MPP7: variants seen among roughly 807,000 people sequenced by gnomAD.
MPP7 encodes the protein MAGUK p55 subfamily member 7.
Under a neutral mutation model 76.5 loss-of-function variants are expected in MPP7, and 60 were observed. The observed-to-expected ratio is 0.78, with a 90% CI of 0.64 to 0.97. MPP7 has a LOEUF of 0.97. MPP7 is among the 50% of genes least tolerant of loss of function. The pLI is 0.00. For synonymous variants in MPP7, 237 were observed against 244.5 expected, an observed-to-expected ratio of 0.97 and a Z score of 0.29; for missense variants, 641 against 694.0, an observed-to-expected ratio of 0.92 and a Z score of 0.86.
intron 3 of MPP7, among the ~76,000 whole-genome samples, chr10:28,159,160 C>T (rs1475278411): frequency 1.3e-5 from 2 of 152,186 alleles, no homozygotes; most frequent in South Asian, 2.1e-4. Context: ...GAAAAGTTAG[C>T]TTTGATGTAA....
Position 28,262,240 on chromosome 10 carries a change from T to TAC in MPP7, c.-131-23506_-131-23505insGT, listed in dbSNP as rs1564741544. On this transcript the variant is annotated intron_variant, in intron 1 of 16. Coordinates refer to ENST00000683449, the MANE Select transcript of MPP7 (RefSeq NM_001318170.2). ...ATATATATATACATATATATATATA[T>TAC]ATACATATATATATATATGTATATA... 6.7e-4 allele frequency among the ~76,000 whole-genome samples: 47 copies of TAC among 70,462 alleles called. 3 individuals carry two copies. The highest frequency in any genetic ancestry group is 2.4e-3 in the African/African-American group (31 of 12,856). 46.2% of individuals were successfully genotyped at this position (70,462 alleles called of 152,430 possible). A position where few individuals can be genotyped will look rare whatever the true frequency, so the allele number is the denominator to read the frequency against.
intron 3 of MPP7, among the ~76,000 whole-genome samples, chr10:28,169,019 A>T (rs1836586035): frequency 6.8e-6 from 1 of 147,162 alleles, no homozygotes. Context: ...TGTAACAAGG[A>T]GTTCTTTTGT....
intron 2 of MPP7, among the ~76,000 whole-genome samples, chr10:28,221,285 T>C (rs1039657406): frequency 1.3e-5 from 2 of 152,206 alleles, no homozygotes; most frequent in Non-Finnish European, 2.9e-5. Context: ...AGCCTTTCAA[T>C]CCACACTCAA....
At chr10:28,284,482 G>A (rs1840750650) in intron 1 of MPP7, among the ~76,000 whole-genome samples, 1 of 152,174 alleles carries the variant, frequency 6.6e-6, no homozygotes, top group African/African-American at 2.4e-5. Context: ...GCTGAAGACT[G>A]AAGAAAGTTG....
intron 2 of MPP7, among the ~76,000 whole-genome samples, chr10:28,312,437 G>A (rs1841295012): frequency 6.6e-6 from 1 of 152,058 alleles, no homozygotes; most frequent in Admixed American, 6.5e-5. Flanking sequence ...GGTGCTGATT[G>A]GTGCGTTTTA....
chr10:28,301,952 A>G (rs1841165646), intron 1 of MPP7, among the ~76,000 whole-genome samples: 1 of 152,234 alleles, frequency 6.6e-6, no homozygotes, highest in Non-Finnish European at 1.5e-5. Flanking sequence ...AAGTAAATCA[A>G]ATTACGTAAT....
At chr10:28,072,694 CTACTT>C (rs1194241970) in intron 12 of MPP7, among the ~76,000 whole-genome samples, 4 of 152,210 alleles carry the variant, frequency 2.6e-5, no homozygotes, top group African/African-American at 7.2e-5. Flanking sequence ...ACCTCCCTCT[CTACTT>C]CACTTCAACC....
At position 28,089,687 on chromosome 10, in the gene MPP7, T is replaced by C. The variant is rs1352904356; in HGVS notation, c.1107A>G (p.Arg369=). ...PYRRQTNEKY[R]LVVLVGPVGV... Reference sequence around the variant, plus strand: ...AGCACTTACCAACCAAGACAACGAGTCTGTATTTTTCATTAGTTTGTCGCC... The same window carrying C: ...AGCACTTACCAACCAAGACAACGAGCCTGTATTTTTCATTAGTTTGTCGCC... The change falls in exon 12 of 17, where the codon AGA becomes AGG. Residue 369 remains arginine, a synonymous_variant. Coordinates refer to ENST00000683449, the MANE Select transcript of MPP7 (RefSeq NM_001318170.2). 6.2e-7 allele frequency: 1 copy of C among 1,612,992 alleles called. No homozygotes were observed. Among genetic ancestry groups the C allele is most frequent in the African/African-American group, 1.3e-5 (1 of 74,948 alleles).
At chr10:28,258,923 T>C (rs961165800) in intron 1 of MPP7, among the ~76,000 whole-genome samples, 14 of 152,072 alleles carry the variant, frequency 9.2e-5, no homozygotes, top group Admixed American at 2.0e-4. Flanking sequence ...CACCAAGTTA[T>C]TACTGCACTA....
chr10:28,129,276 G>A (rs1333395720), intron 6 of MPP7, among the ~76,000 whole-genome samples: 1 of 151,858 alleles, frequency 6.6e-6, no homozygotes, highest in Non-Finnish European at 1.5e-5. Flanking sequence ...AATTAAAATT[G>A]GATCTAATAT....
chr10:28,177,268 A>T (rs1329205285), intron 3 of MPP7, among the ~76,000 whole-genome samples: 1 of 149,636 alleles, frequency 6.7e-6, no homozygotes, highest in Non-Finnish European at 1.5e-5. Context: ...TGCAAAAAAA[A>T]AAAAAAAAAA....
At chr10:28,199,272 C>T (rs1270785725) in intron 3 of MPP7, among the ~76,000 whole-genome samples, 4 of 152,168 alleles carry the variant, frequency 2.6e-5, no homozygotes, top group Admixed American at 2.0e-4. Context: ...GGGGACACAG[C>T]TAAACCATAT....
intron 2 of MPP7, among the ~76,000 whole-genome samples, chr10:28,329,716 G>C (rs1834454822): frequency 6.6e-6 from 1 of 151,080 alleles, no homozygotes; most frequent in African/African-American, 2.4e-5. Flanking sequence ...AATGAATAAT[G>C]CAAAATTGAG....
intron 3 of MPP7, among the ~76,000 whole-genome samples, chr10:28,151,752 C>T (rs1447448140): frequency 6.6e-6 from 1 of 152,194 alleles, no homozygotes; most frequent in African/African-American, 2.4e-5. Context: ...TTCTTGCAGA[C>T]AGTAAGAGGC....
At chr10:28,195,544 A>G (rs1041665410) in intron 3 of MPP7, among the ~76,000 whole-genome samples, 15 of 152,266 alleles carry the variant, frequency 9.9e-5, no homozygotes, top group Admixed American at 7.2e-4. Context: ...ATACAATGTT[A>G]TTCAGTCATA....
chr10:28,312,326 G>GTGC (rs1360252896), intron 2 of MPP7, among the ~76,000 whole-genome samples: 1 of 152,060 alleles, frequency 6.6e-6, no homozygotes, highest in African/African-American at 2.4e-5. Context: ...ATTTTACAGA[G>GTGC]TGCTGATTGG....
chr10:28,161,086 G>C (rs1366670841), intron 3 of MPP7, among the ~76,000 whole-genome samples: 1 of 152,166 alleles, frequency 6.6e-6, no homozygotes, highest in Non-Finnish European at 1.5e-5. Flanking sequence ...CCCAGACTAA[G>C]AAGCTCTGGC....
intron 6 of MPP7, among the ~76,000 whole-genome samples, chr10:28,129,519 C>T (rs906675359): frequency 3.3e-5 from 5 of 150,292 alleles, no homozygotes; most frequent in East Asian, 2.0e-4. Context: ...ATCCAGGAAG[C>T]GGAGGTTGCA....
At chr10:28,072,223 A>C (rs1207675106) in intron 12 of MPP7, among the ~76,000 whole-genome samples, 3 of 152,162 alleles carry the variant, frequency 2.0e-5, no homozygotes, top group African/African-American at 7.2e-5. Context: ...GCAGTAAGCC[A>C]AGATTGCACC....
Sources: gnomAD v4.1 joint callset for allele counts (sites outside exome capture counted in the v4.1 genomes callset) on GRCh38, gnomAD v4.1.1 for gene constraint, MANE v1.5 for transcripts, NCBI Gene and HGNC (gene_info 2026-07-23, HGNC 2026-07-21) for gene names.